The following EXOC6B variants were observed in gnomAD, a reference collection of about 807,000 sequenced individuals.
EXOC6B encodes the protein SEC15 homolog B.
In EXOC6B, 54 loss-of-function variants were observed where a neutral mutation model predicts 113.5. The observed-to-expected ratio is 0.48, with a 90% confidence interval of 0.38 to 0.60. The LOEUF is 0.60. Among genes scored for constraint, EXOC6B ranks in the 20% least tolerant of loss-of-function variants. The probability of loss-of-function intolerance (pLI) is 0.00; values close to 1 mark genes in which losing one functional copy is unlikely to be tolerated. For synonymous variants in EXOC6B, 357 were observed against 339.0 expected, an observed-to-expected ratio of 1.05 and a Z score of -0.58; for missense variants, 797 against 977.5, an observed-to-expected ratio of 0.82 and a Z score of 2.46.
At chr2:72,663,927 G>A (rs1234539579) in intron 6 of EXOC6B, among the ~76,000 whole-genome samples, 1 of 152,062 alleles carries the variant, frequency 6.6e-6, no homozygotes, top group African/African-American at 2.4e-5. Flanking sequence ...GTTAATAACA[G>A]GGGAAACTGC....
chr2:72,646,086 C>A (rs185404285), intron 6 of EXOC6B, among the ~76,000 whole-genome samples: 1 of 151,850 alleles, frequency 6.6e-6, no homozygotes, highest in Non-Finnish European at 1.5e-5. Flanking sequence ...ATCAAATAGA[C>A]GCAATAAAAA....
intron 21 of EXOC6B, among the ~76,000 whole-genome samples, chr2:72,180,659 C>T (rs983569562): frequency 5.3e-5 from 8 of 152,146 alleles, no homozygotes; most frequent in African/African-American, 1.9e-4. Context: ...ATAAATTGCC[C>T]CCAGGCTATT....
At chr2:72,510,980 T>TA (rs910159668) in intron 11 of EXOC6B, among the ~76,000 whole-genome samples, 1 of 151,928 alleles carries the variant, frequency 6.6e-6, no homozygotes, top group Non-Finnish European at 1.5e-5. Flanking sequence ...CAAAAACATG[T>TA]AAAAAACATT....
intron 20 of EXOC6B, among the ~76,000 whole-genome samples, chr2:72,194,373 G>A (rs1679029227): frequency 6.6e-6 from 1 of 152,162 alleles, no homozygotes; most frequent in Non-Finnish European, 1.5e-5. Context: ...TAACATGTGT[G>A]AGAAGGGCTA....
intron 10 of EXOC6B, 23 bp downstream of exon 10, chr2:72,514,610 AT>A: frequency 2.0e-5 from 7 of 343,916 alleles, no homozygotes; most frequent in African/African-American, 4.8e-5. Context: ...AAATAAATAT[AT>A]ATATATATAT....
intron 18 of EXOC6B, among the ~76,000 whole-genome samples, chr2:72,424,236 T>G (rs1265993511): frequency 6.6e-6 from 1 of 152,154 alleles, no homozygotes; most frequent in African/African-American, 2.4e-5. Flanking sequence ...AATTAACAGG[T>G]AGAGGTAGAT....
chr2:72,433,804 C>G (rs1695690623), intron 18 of EXOC6B, among the ~76,000 whole-genome samples: 1 of 152,124 alleles, frequency 6.6e-6, no homozygotes, highest in Admixed American at 6.5e-5. Context: ...AGTTTTTGGG[C>G]TGAGACGATG....
At chr2:72,816,779 TTCTC>T (rs1686272176) in intron 1 of EXOC6B, among the ~76,000 whole-genome samples, 1 of 152,192 alleles carries the variant, frequency 6.6e-6, no homozygotes, top group Non-Finnish European at 1.5e-5. Context: ...CCCATTTAAT[TTCTC>T]TCTATGGCTA....
chr2:72,800,546 AT>A (rs763854106), intron 1 of EXOC6B, among the ~76,000 whole-genome samples: 9 of 152,212 alleles, frequency 5.9e-5, no homozygotes, highest in Non-Finnish European at 4.4e-5. Context: ...AACAGGAAAC[AT>A]TTAATAAAAG....
intron 20 of EXOC6B, among the ~76,000 whole-genome samples, chr2:72,305,322 G>GTGTATATGTATATGTATA (rs3036342): frequency 0.067 from 9,643 of 144,504 alleles, 435 homozygotes; most frequent in Non-Finnish European, 0.085. Context: ...ATATGGGTGT[G>GTGTATATGTATATGTATA]TGTATATGTA....
chr2:72,701,655 C>G (rs1381798080), intron 6 of EXOC6B, among the ~76,000 whole-genome samples: 1 of 152,142 alleles, frequency 6.6e-6, no homozygotes, highest in Non-Finnish European at 1.5e-5. Context: ...AATTCTACTT[C>G]CCGGAGTCTA....
intron 6 of EXOC6B, among the ~76,000 whole-genome samples, chr2:72,656,804 CAT>C (rs1331422680): frequency 3.3e-5 from 5 of 152,126 alleles, no homozygotes; most frequent in African/African-American, 9.7e-5. Flanking sequence ...TATACACAAA[CAT>C]ATATGAATAT....
chr2:72,427,053 A>C (rs1262847667), intron 18 of EXOC6B, among the ~76,000 whole-genome samples: 3 of 152,202 alleles, frequency 2.0e-5, no homozygotes, highest in African/African-American at 7.2e-5. Flanking sequence ...CAGCCACTGC[A>C]GAGAGGGAGA....
At chr2:72,210,725 C>G (rs754404258) in intron 20 of EXOC6B, among the ~76,000 whole-genome samples, 1 of 152,192 alleles carries the variant, frequency 6.6e-6, no homozygotes, top group Admixed American at 6.5e-5. Context: ...CCCGTGGAAG[C>G]TTGGTTTGCA....
intron 17 of EXOC6B, among the ~76,000 whole-genome samples, chr2:72,477,033 G>A (rs1273415670): frequency 6.6e-6 from 1 of 152,054 alleles, no homozygotes; most frequent in East Asian, 1.9e-4. Context: ...CTCCTCTGTT[G>A]AGCCTGTCAA....
intron 6 of EXOC6B, among the ~76,000 whole-genome samples, chr2:72,680,708 C>T (rs193163197): frequency 6.5e-4 from 99 of 151,186 alleles, no homozygotes; most frequent in African/African-American, 3.2e-4. Context: ...GACTGCACTA[C>T]GGCGTGGGTG....
intron 20 of EXOC6B, among the ~76,000 whole-genome samples, chr2:72,259,928 T>G (rs1308821845): frequency 6.6e-6 from 1 of 152,142 alleles, no homozygotes; most frequent in Non-Finnish European, 1.5e-5. Context: ...GGTACACAGC[T>G]GTAGTCCCAG....
chr2:72,360,909 C>T (rs1390352951), intron 19 of EXOC6B, among the ~76,000 whole-genome samples: 6 of 124,442 alleles, frequency 4.8e-5, no homozygotes, highest in East Asian at 4.1e-4. Context: ...CCAGCCTGGG[C>T]GATAAAGGAA....
intron 19 of EXOC6B, among the ~76,000 whole-genome samples, chr2:72,357,654 G>T (rs996981576): frequency 4.6e-5 from 7 of 151,498 alleles, no homozygotes; most frequent in African/African-American, 1.2e-4. Flanking sequence ...CAGTGCCACC[G>T]CACTCCAGCC....
Sources: gnomAD v4.1 joint callset for allele counts (sites outside exome capture counted in the v4.1 genomes callset) on GRCh38, gnomAD v4.1.1 for gene constraint, MANE v1.5 for transcripts, NCBI Gene and HGNC (gene_info 2026-07-23, HGNC 2026-07-21) for gene names.